The following LINGO2 variants were observed in gnomAD, a reference collection of about 807,000 sequenced individuals.
The protein encoded by LINGO2 is leucine rich repeat and Ig domain containing 2.
A neutral mutation model predicts 30.6 loss-of-function variants in LINGO2; 14 were observed. The observed-to-expected ratio is 0.46, with a 90% CI of 0.30 to 0.72. The LOEUF (loss-of-function observed/expected upper bound fraction) is 0.72, where lower values mean the gene tolerates loss of function less well. Ranked by LOEUF, LINGO2 falls within the 30% of genes least tolerant of loss-of-function variation. The pLI, the probability that LINGO2 is intolerant of heterozygous loss-of-function variation, is 0.07. For missense variants in LINGO2, 729 were observed against 751.7 expected, an observed-to-expected ratio of 0.97 and a Z score of 0.35; for synonymous variants, 317 against 288.5, an observed-to-expected ratio of 1.10 and a Z score of -1.00.
intron 1 of LINGO2, among the ~76,000 whole-genome samples, chr9:28,614,084 T>C (rs1049375778): frequency 1.3e-5 from 2 of 152,146 alleles, no homozygotes; most frequent in Admixed American, 6.6e-5. Context: ...TTATAATAAA[T>C]GAAAATGCCT....
chr9:28,753,286 G>A, the LINGO2 span, among the ~76,000 whole-genome samples: 593 of 152,042 alleles, frequency 3.9e-3, 10 homozygotes, highest in African/African-American at 0.014. Context: ...ATCTTCCTTT[G>A]ATTTGAAATA....
intron 5 of LINGO2, among the ~76,000 whole-genome samples, chr9:27,995,075 A>C (rs1480588898): frequency 6.6e-6 from 1 of 152,198 alleles, no homozygotes; most frequent in African/African-American, 2.4e-5. Flanking sequence ...AACTGATACC[A>C]CAGAAATACA....
intron 4 of LINGO2, among the ~76,000 whole-genome samples, chr9:28,059,134 G>C (rs1003523092): frequency 6.6e-5 from 10 of 152,086 alleles, no homozygotes; most frequent in Non-Finnish European, 1.5e-5. Context: ...AATGTGTCTA[G>C]ACTTTCTGGC....
At chr9:28,823,153 C>A in the LINGO2 span, among the ~76,000 whole-genome samples, 70 of 152,240 alleles carry the variant, frequency 4.6e-4, no homozygotes, top group African/African-American at 1.7e-3. Flanking sequence ...ATAAAACATG[C>A]TTTCTTTCTC....
At chr9:28,451,514 A>G (rs984697422) in intron 2 of LINGO2, among the ~76,000 whole-genome samples, 1 of 151,814 alleles carries the variant, frequency 6.6e-6, no homozygotes, top group African/African-American at 2.4e-5. Context: ...CAAATACACA[A>G]ATTCAGGTGG....
chr9:28,765,857 C>A, the LINGO2 span, among the ~76,000 whole-genome samples: 1 of 151,898 alleles, frequency 6.6e-6, no homozygotes, highest in Admixed American at 6.6e-5. Context: ...AGGATAGTCT[C>A]TTCAATAAAT....
chr9:28,238,054 C>G (rs115829079), intron 4 of LINGO2, among the ~76,000 whole-genome samples: 3,525 of 151,968 alleles, frequency 0.023, 74 homozygotes, highest in Middle Eastern at 0.034. Context: ...ACATACTGAT[C>G]CATTAGTCAA....
At chr9:28,435,762 T>G (rs1269328878) in intron 2 of LINGO2, among the ~76,000 whole-genome samples, 1 of 152,160 alleles carries the variant, frequency 6.6e-6, no homozygotes, top group African/African-American at 2.4e-5. Context: ...GAAAGTGATA[T>G]GACAAAGGAC....
chr9:29,034,631 C>T, the LINGO2 span, among the ~76,000 whole-genome samples: 1 of 152,072 alleles, frequency 6.6e-6, no homozygotes, highest in Admixed American at 6.6e-5. Flanking sequence ...AATAATTTTG[C>T]TCTGAACACA....
chr9:28,426,442 A>C (rs113583846), intron 2 of LINGO2, among the ~76,000 whole-genome samples: 36 of 152,140 alleles, frequency 2.4e-4, no homozygotes, highest in Non-Finnish European at 4.4e-4. Context: ...AGTTATATTT[A>C]CAACCTATTA....
intron 5 of LINGO2, among the ~76,000 whole-genome samples, chr9:27,957,139 TC>T (rs981097946): frequency 6.6e-6 from 1 of 152,116 alleles, no homozygotes; most frequent in Non-Finnish European, 1.5e-5. Context: ...TACTTTCTTT[TC>T]CCTATAACAT....
At chr9:28,879,162 A>T in the LINGO2 span, among the ~76,000 whole-genome samples, 3 of 152,146 alleles carry the variant, frequency 2.0e-5, no homozygotes, top group African/African-American at 7.2e-5. Context: ...AAATCAATGT[A>T]CAAAAATCAC....
chr9:27,953,655 CAT>C (rs897482366), intron 5 of LINGO2, among the ~76,000 whole-genome samples: 3 of 152,102 alleles, frequency 2.0e-5, no homozygotes, highest in Non-Finnish European at 4.4e-5. Flanking sequence ...TTCCTGCTGC[CAT>C]ATGAGGAAGG....
the LINGO2 span, among the ~76,000 whole-genome samples, chr9:29,085,311 AG>A: frequency 2.7e-3 from 350 of 130,072 alleles, 2 homozygotes; most frequent in African/African-American, 9.5e-3. Flanking sequence ...AAAAAAAAAA[AG>A]AATAAATTAA....
At chr9:28,778,006 T>C in the LINGO2 span, among the ~76,000 whole-genome samples, 14 of 152,300 alleles carry the variant, frequency 9.2e-5, no homozygotes, top group African/African-American at 2.9e-4. Flanking sequence ...CCCTTCTCTA[T>C]AGTGCATAGT....
intron 1 of LINGO2, among the ~76,000 whole-genome samples, chr9:28,487,263 T>C (rs1312943288): frequency 6.6e-6 from 1 of 152,150 alleles, no homozygotes; most frequent in Admixed American, 6.6e-5. Context: ...AAATATTCTT[T>C]TAGTATGCTT....
chr9:28,583,303 A>G (rs1824355780), intron 1 of LINGO2, among the ~76,000 whole-genome samples: 1 of 152,006 alleles, frequency 6.6e-6, no homozygotes. Context: ...TGATTCCAAA[A>G]TTGCAAATTT....
chr9:28,131,313 G>A (rs17698721), intron 4 of LINGO2, among the ~76,000 whole-genome samples: 11,469 of 152,016 alleles, frequency 0.075, 588 homozygotes, highest in Middle Eastern at 0.13. Context: ...GGATCTTTGG[G>A]GTCTGTTAAT....
intron 3 of LINGO2, among the ~76,000 whole-genome samples, chr9:28,370,203 C>T (rs975016765): frequency 6.6e-6 from 1 of 152,190 alleles, no homozygotes; most frequent in Non-Finnish European, 1.5e-5. Context: ...TCTATCCAAA[C>T]ATACCTTCAC....
Sources: allele counts gnomAD v4.1 joint callset (sites outside exome capture counted in the v4.1 genomes callset), GRCh38; gene constraint gnomAD v4.1.1; transcripts MANE v1.5; gene names NCBI Gene and HGNC (gene_info 2026-07-23, HGNC 2026-07-21).